UBE4B: variants seen among roughly 807,000 people sequenced by gnomAD.
UBE4B encodes ubiquitination factor E4B, also known as ubiquitin conjugation factor E4 B.
A neutral mutation model predicts 148.1 loss-of-function variants in UBE4B; 27 were observed. That is an observed-to-expected ratio of 0.18 (90% confidence interval 0.13 to 0.25). UBE4B has a LOEUF of 0.25. Among genes scored for constraint, UBE4B ranks in the 10% least tolerant of loss-of-function variants. UBE4B has a pLI of 1.00. For synonymous variants in UBE4B, 596 were observed against 619.3 expected (o/e 0.96, Z 0.56); for missense variants, 1,170 against 1,662.4 (o/e 0.70, Z 5.15).
chr1:10,158,473 A>C lies in UBE4B; in HGVS notation c.3044A>C (p.Glu1015Ala). The C allele has an allele frequency of 6.2e-7, 1 of 1,614,008 alleles. No individual in the cohort carries two copies. Among genetic ancestry groups the C allele is most frequent in the South Asian group, 1.1e-5 (1 of 91,070 alleles). Residue 1015 changes from glutamate to alanine, a missense_variant, in exon 22 of 28, where the codon GAG becomes GCG. This residue lies in a region of UBE4B where 348 missense variants were observed against 627.2 expected (regional missense o/e 0.55). Coordinates refer to ENST00000343090, the MANE Select transcript of UBE4B (RefSeq NM_001105562.3). ...ATAGCTCACCATGGCACCTTTATGG[A>C]GGAGTTCAAGTGAGTATGGGGCCCC... ...QNIAHHGTFM[E>A]EFNSGKQFVR...
chr1:10,049,576 C>G (rs1432317720), intron 1 of UBE4B, among the ~76,000 whole-genome samples: 1 of 144,950 alleles, frequency 6.9e-6, no homozygotes, highest in East Asian at 2.0e-4. Context: ...AAGACCTTTT[C>G]TCTAAAAAAA....
Position 10,095,443 on chromosome 1 carries a change from C to A in UBE4B, c.212-18C>A. The A allele has an allele frequency of 6.2e-7, 1 of 1,612,970 alleles. No homozygotes were observed. Reference sequence around the variant, plus strand: ...TTATTTCACATGGGGCTTCATCCTTCCTGTGTTTTCTGTTTAGGAGTAGCC... The same window carrying A: ...TTATTTCACATGGGGCTTCATCCTTACTGTGTTTTCTGTTTAGGAGTAGCC... On this transcript the variant is annotated intron_variant, in intron 2 of 27. Coordinates refer to ENST00000343090, the MANE Select transcript of UBE4B (RefSeq NM_001105562.3).
rs775020977 is a variant in UBE4B at position 10,122,019 on chromosome 1, T to C, written c.1497T>C (p.Tyr499=). The part of the protein sequence containing the change: ...VPYMLCRNLP[Y]GFIQELVRTT... ...ATATGCTGTGTAGGAATCTCCCATA[T>C]GGCTTCATTCAGGAACTGGTGAGAA... Residue 499 remains tyrosine (Y), a synonymous_variant, in exon 10 of 28, where the codon TAT becomes TAC. Coordinates refer to ENST00000343090, the MANE Select transcript of UBE4B (RefSeq NM_001105562.3). 1.9e-6 allele frequency: 3 copies of C among 1,613,822 alleles called. No homozygotes were observed. In the East Asian group the frequency reaches 6.7e-5, roughly 36 times the overall value.
At chr1:10,034,997 TTTTG>T (rs1024631400) in intron 1 of UBE4B, among the ~76,000 whole-genome samples, 2 of 152,080 alleles carry the variant, frequency 1.3e-5, no homozygotes, top group Non-Finnish European at 2.9e-5. Flanking sequence ...GTGGGTTTTT[TTTTG>T]TTTGTTTGTT....
intron 9 of UBE4B, 127 bp downstream of exon 9, chr1:10,119,740 C>T (rs1366096458): frequency 4.3e-6 from 3 of 696,882 alleles, no homozygotes; most frequent in Non-Finnish European, 7.2e-6. Context: ...AAATGAAGGT[C>T]CCTTTCCTTC....
chr1:10,108,191 C>T (rs1645150089), intron 7 of UBE4B, among the ~76,000 whole-genome samples: 1 of 151,152 alleles, frequency 6.6e-6, no homozygotes, highest in Admixed American at 6.6e-5. Context: ...TTCCCACCCC[C>T]TCCCAGCCTC....
intron 2 of UBE4B, among the ~76,000 whole-genome samples, chr1:10,081,063 A>ATAT (rs969826504): frequency 2.6e-5 from 4 of 152,056 alleles, no homozygotes; most frequent in African/African-American, 2.4e-5. Flanking sequence ...AAAAACAACA[A>ATAT]TATTATTATT....
At chr1:10,093,455 G>T (rs748085832) in intron 2 of UBE4B, among the ~76,000 whole-genome samples, 27 of 152,274 alleles carry the variant, frequency 1.8e-4, no homozygotes, top group Non-Finnish European at 3.2e-4. Flanking sequence ...TAGGAAGAGA[G>T]AAAATTTAGT....
intron 18 of UBE4B, 70 bp from the exon 19 acceptor site, chr1:10,146,893 C>T: frequency 6.4e-7 from 1 of 1,574,692 alleles, no homozygotes; most frequent in Admixed American, 1.7e-5. Context: ...GGCCCCAGTC[C>T]CTGCCCAGTC....
intron 1 of UBE4B, among the ~76,000 whole-genome samples, chr1:10,069,575 C>T (rs1644449154): frequency 2.6e-5 from 4 of 152,176 alleles, no homozygotes; most frequent in Admixed American, 2.6e-4. Flanking sequence ...CACTTCATCG[C>T]CCAGGCTGGA....
chr1:10,076,335 C>A (rs1644580325), intron 2 of UBE4B, among the ~76,000 whole-genome samples: 2 of 150,294 alleles, frequency 1.3e-5, no homozygotes, highest in African/African-American at 4.9e-5. Context: ...ACCTTTGTCT[C>A]CTGGTTTTAA....
At chr1:10,075,578 C>G (rs1644563316) in intron 2 of UBE4B, among the ~76,000 whole-genome samples, 2 of 152,224 alleles carry the variant, frequency 1.3e-5, no homozygotes, top group African/African-American at 4.8e-5. Flanking sequence ...TTAGTTCTTG[C>G]CCGGGTACCT....
At chr1:10,165,673 G>T (rs1646236100) in intron 23 of UBE4B, among the ~76,000 whole-genome samples, 1 of 152,042 alleles carries the variant, frequency 6.6e-6, no homozygotes, top group Non-Finnish European at 1.5e-5. Flanking sequence ...ACACGTGAGG[G>T]CCTTTACACC....
chr1:10,160,340 A>G (rs1272116623), intron 22 of UBE4B, among the ~76,000 whole-genome samples: 1 of 152,108 alleles, frequency 6.6e-6, no homozygotes, highest in East Asian at 1.9e-4. Flanking sequence ...GTGGTTAATT[A>G]TTTGCATTTT....
At chr1:10,152,050 A>G (rs1168786009) in intron 21 of UBE4B, among the ~76,000 whole-genome samples, 2 of 150,934 alleles carry the variant, frequency 1.3e-5, no homozygotes, top group East Asian at 3.9e-4. Flanking sequence ...CAAGGTCAGG[A>G]GTTCAAGACC....
chr1:10,072,180 C>T lies in UBE4B; in HGVS notation c.177C>T (p.Asn59=), dbSNP rs762530657. The T allele has an allele frequency of 2.5e-6, 4 of 1,613,890 alleles. No homozygotes were observed. The South Asian group carries it at 4.4e-5, about 18-fold the overall frequency. Residue 59 remains asparagine, a synonymous_variant, in exon 2 of 28, where the codon AAC becomes AAT. Transcript: ENST00000343090. The part of the protein sequence containing the change: ...PSQSLGLNVH[N]MTPATSPIGA... Reference sequence around the variant, plus strand: ...AGAGTCTTGGTCTCAATGTCCACAACATGACCCCAGCTACCTCCCCAATAG... The same window carrying T: ...AGAGTCTTGGTCTCAATGTCCACAATATGACCCCAGCTACCTCCCCAATAG...
Position 10,146,949 on chromosome 1 carries a change from C to G in UBE4B, c.2464-14C>G. On this transcript the variant is annotated splice_polypyrimidine_tract_variant and intron_variant, in intron 18 of 27. Coordinates refer to ENST00000343090, the MANE Select transcript of UBE4B (RefSeq NM_001105562.3). ...CTGACTGATCTTTGGGTGGGGACATCCCTGCTTCCACAGAAACTGGTACGG... is the reference window on the plus strand; with the variant it reads ...CTGACTGATCTTTGGGTGGGGACATGCCTGCTTCCACAGAAACTGGTACGG... 6.2e-7 allele frequency: 1 copy of G among 1,613,268 alleles called. No homozygotes were observed. Among genetic ancestry groups the G allele is most frequent in the Non-Finnish European group, 8.5e-7 (1 of 1,179,400 alleles).
At chr1:10,080,983 G>T in intron 2 of UBE4B, among the ~76,000 whole-genome samples, 1 of 152,142 alleles carries the variant, frequency 6.6e-6, no homozygotes, top group Non-Finnish European at 1.5e-5. Flanking sequence ...AAGCTTTAGT[G>T]ATCTATTGTA....
intron 7 of UBE4B, among the ~76,000 whole-genome samples, chr1:10,117,248 C>T (rs1645327778): frequency 6.6e-6 from 1 of 152,162 alleles, no homozygotes; most frequent in African/African-American, 2.4e-5. Flanking sequence ...TAAGAAGCAG[C>T]CCTTCTTAGG....
Sources: allele counts gnomAD v4.1 joint callset (sites outside exome capture counted in the v4.1 genomes callset), GRCh38; gene constraint gnomAD v4.1.1; regional missense constraint gnomAD v4.1.1; transcripts MANE v1.5; gene names NCBI Gene and HGNC (gene_info 2026-07-23, HGNC 2026-07-21).